The following PTPRM variants were observed in gnomAD, a reference collection of about 807,000 sequenced individuals.
PTPRM encodes receptor-type tyrosine-protein phosphatase mu.
In PTPRM, 47 loss-of-function variants were observed where a neutral mutation model predicts 186.7. The observed-to-expected ratio is 0.25, with a 90% CI of 0.20 to 0.32. PTPRM has a LOEUF of 0.32. Ranked by LOEUF, PTPRM falls within the 10% of genes least tolerant of loss-of-function variation. PTPRM has a pLI of 1.00. For synonymous variants in PTPRM, 668 were observed against 674.9 expected (o/e 0.99, Z 0.16); for missense variants, 1,494 against 1,865.0 (o/e 0.80, Z 3.66).
intron 19 of PTPRM, among the ~76,000 whole-genome samples, chr18:8,292,154 A>T (rs2095049813): frequency 6.6e-6 from 1 of 152,244 alleles, no homozygotes; most frequent in Non-Finnish European, 1.5e-5. Flanking sequence ...AGAGCTACAG[A>T]TGAAGTTTTA....
chr18:7,664,450 C>G (rs2039050441), intron 1 of PTPRM, among the ~76,000 whole-genome samples: 1 of 152,238 alleles, frequency 6.6e-6, no homozygotes, highest in African/African-American at 2.4e-5. Flanking sequence ...GGAGCCTGCG[C>G]TGTTCTCATA....
At chr18:8,083,817 T>C (rs1337047479) in intron 9 of PTPRM, among the ~76,000 whole-genome samples, 19 of 152,126 alleles carry the variant, frequency 1.2e-4, no homozygotes, top group Admixed American at 1.2e-3. Context: ...GCAAAAGCAG[T>C]GTCAGAAAAG....
chr18:7,946,996 C>T (rs2052572498), intron 5 of PTPRM: 1 of 456,110 alleles, frequency 2.2e-6, no homozygotes, highest in Non-Finnish European at 4.4e-6. Flanking sequence ...TACAGCAGCA[C>T]TGAACATATG....
chr18:7,617,348 C>T (rs1468652939), intron 1 of PTPRM, among the ~76,000 whole-genome samples: 1 of 152,124 alleles, frequency 6.6e-6, no homozygotes, highest in South Asian at 2.1e-4. Context: ...GCTGCAGTGT[C>T]CCCTGCTTGA....
chr18:8,377,964 T>C (rs760049899), intron 26 of PTPRM: 1 of 244,054 alleles, frequency 4.1e-6, no homozygotes, highest in Non-Finnish European at 7.8e-6. Context: ...AAAATTCTGC[T>C]CATTCCTCAT....
intron 14 of PTPRM, among the ~76,000 whole-genome samples, chr18:8,185,399 C>G (rs2093629253): frequency 6.6e-6 from 1 of 152,210 alleles, no homozygotes; most frequent in East Asian, 1.9e-4. Context: ...AACTGAGACA[C>G]AGAAGCTGAT....
At chr18:7,945,746 G>A (rs1295164245) in intron 5 of PTPRM, among the ~76,000 whole-genome samples, 1 of 151,986 alleles carries the variant, frequency 6.6e-6, no homozygotes, top group Admixed American at 6.6e-5. Flanking sequence ...GTAAATGATG[G>A]TTCTTTTAAT....
At chr18:8,114,213 TC>T (rs1187706884) in intron 12 of PTPRM, among the ~76,000 whole-genome samples, 22 of 152,144 alleles carry the variant, frequency 1.4e-4, no homozygotes, top group Non-Finnish European at 1.0e-4. Flanking sequence ...AAATTTGGTA[TC>T]TTTTTTTTTT....
chr18:8,367,354 C>T (rs2095636976), intron 23 of PTPRM, among the ~76,000 whole-genome samples: 1 of 152,254 alleles, frequency 6.6e-6, no homozygotes, highest in Non-Finnish European at 1.5e-5. Flanking sequence ...TTGCCCAGCA[C>T]GCATTCTAGA....
intron 14 of PTPRM, among the ~76,000 whole-genome samples, chr18:8,214,283 T>C (rs1242402554): frequency 6.6e-6 from 1 of 152,188 alleles, no homozygotes; most frequent in African/African-American, 2.4e-5. Context: ...GAAACTTAAA[T>C]TTTAGAAAAC....
intron 23 of PTPRM, among the ~76,000 whole-genome samples, chr18:8,352,653 G>GTTTTTTTTTTTTTTTTTTT: frequency 8.2e-6 from 1 of 121,344 alleles, no homozygotes; most frequent in South Asian, 2.7e-4. Context: ...TTTTGGTTTG[G>GTTTTTTTTTTTTTTTTTTT]TTTTTTTTGT....
intron 11 of PTPRM, among the ~76,000 whole-genome samples, chr18:8,106,908 G>A (rs2091546913): frequency 6.6e-6 from 1 of 152,172 alleles, no homozygotes; most frequent in Non-Finnish European, 1.5e-5. Context: ...TTCTCTGATA[G>A]TTGCATTTGT....
chr18:7,839,671 G>A (rs927571166), intron 2 of PTPRM, among the ~76,000 whole-genome samples: 4 of 152,162 alleles, frequency 2.6e-5, no homozygotes, highest in Non-Finnish European at 2.9e-5. Flanking sequence ...TAGGAATGAT[G>A]CCAATACTTC....
chr18:8,036,610 C>CTA (rs2086347585), intron 7 of PTPRM, among the ~76,000 whole-genome samples: 1 of 152,166 alleles, frequency 6.6e-6, no homozygotes, highest in Non-Finnish European at 1.5e-5. Flanking sequence ...AATGTGTGGG[C>CTA]ACTCAGCTAT....
At chr18:8,206,878 G>C (rs566783366) in intron 14 of PTPRM, among the ~76,000 whole-genome samples, 235 of 152,250 alleles carry the variant, frequency 1.5e-3, no homozygotes, top group Non-Finnish European at 2.4e-3. Flanking sequence ...GAGACACAGG[G>C]AGAGAATGTG....
At chr18:8,129,415 G>C (rs1405663266) in intron 13 of PTPRM, among the ~76,000 whole-genome samples, 1 of 152,166 alleles carries the variant, frequency 6.6e-6, no homozygotes, top group African/African-American at 2.4e-5. Context: ...ACTGTTGATA[G>C]ATACCAATTG....
intron 2 of PTPRM, among the ~76,000 whole-genome samples, chr18:7,866,038 T>C (rs1484557683): frequency 6.6e-6 from 1 of 152,210 alleles, no homozygotes; most frequent in Non-Finnish European, 1.5e-5. Context: ...ATATCCCGTT[T>C]ATTATTTTTT....
chr18:7,982,354 T>A (rs1422543832), intron 7 of PTPRM, among the ~76,000 whole-genome samples: 1 of 151,034 alleles, frequency 6.6e-6, no homozygotes, highest in Non-Finnish European at 1.5e-5. Context: ...AGCCTAGGCC[T>A]ACTCTGGGTC....
chr18:7,764,005 T>C (rs2041906620), intron 1 of PTPRM, among the ~76,000 whole-genome samples: 1 of 152,134 alleles, frequency 6.6e-6, no homozygotes, highest in Admixed American at 6.5e-5. Context: ...CCAGGATTGT[T>C]TTCTACCTAA....
Sources: allele counts gnomAD v4.1 joint callset (sites outside exome capture counted in the v4.1 genomes callset), GRCh38; gene constraint gnomAD v4.1.1; transcripts MANE v1.5; gene names NCBI Gene and HGNC (gene_info 2026-07-23, HGNC 2026-07-21).